ASMTL: variants seen among roughly 807,000 people sequenced by gnomAD.
ASMTL encodes the protein probable bifunctional dTTP/UTP pyrophosphatase/methyltransferase protein.
Under a neutral mutation model 60.3 loss-of-function variants are expected in ASMTL, and 57 were observed. That is an observed-to-expected ratio of 0.95 (90% CI 0.76 to 1.18). The LOEUF (loss-of-function observed/expected upper bound fraction) is 1.18, where lower values mean the gene tolerates loss of function less well. Ranked by LOEUF, ASMTL falls within the 50% of genes most tolerant of loss-of-function variation. The pLI is 0.00. For missense variants in ASMTL, 981 were observed against 852.6 expected (o/e 1.15, Z -1.88); for synonymous variants, 419 against 373.0 (o/e 1.12, Z -1.42).
At chrX:1,438,495 C>T (rs2091030805) in intron 3 of ASMTL, among the ~76,000 whole-genome samples, 2 of 152,118 alleles carry the variant, frequency 1.3e-5, no homozygotes, top group African/African-American at 4.8e-5. Context: ...TTTGTGGTTG[C>T]TGGCCTCTAG....
At chrX:1,433,458 G>A (rs1353908419) in intron 5 of ASMTL, among the ~76,000 whole-genome samples, 3 of 138,766 alleles carry the variant, frequency 2.2e-5, no homozygotes, top group Non-Finnish European at 4.6e-5. Flanking sequence ...AAGGTCAGGA[G>A]ATCGAGACCC....
At chrX:1,439,270 C>A in intron 2 of ASMTL, 126 bp from the exon 3 acceptor site, 3 of 908,820 alleles carry the variant, frequency 3.3e-6, no homozygotes, top group Non-Finnish European at 5.2e-6. Flanking sequence ...GAAGTGAAGG[C>A]TGGGGGTGCT....
At chrX:1,453,347 G>A (rs1338357959), upstream of ASMTL, among the ~76,000 whole-genome samples, 5 of 55,364 alleles carry the variant, frequency 9.0e-5, no homozygotes, top group Non-Finnish European at 2.1e-4. Context: ...ACCCCCGCCC[G>A]CCTCCCCCCC....
At chrX:1,422,447 C>A (rs73619068) in intron 8 of ASMTL, among the ~76,000 whole-genome samples, 101,440 of 151,618 alleles carry the variant, frequency 0.67, 34,930 homozygotes, top group South Asian at 0.87. Context: ...CAAGATAAAT[C>A]TCCTAGGTTA....
chrX:1,413,923 T>G (rs1211395395), intron 11 of ASMTL: 2 of 144,526 alleles, frequency 1.4e-5, no homozygotes, highest in African/African-American at 5.1e-5. Flanking sequence ...CAAACACAAC[T>G]GCAATGGGTT....
intron 11 of ASMTL, among the ~76,000 whole-genome samples, chrX:1,414,480 G>T (rs1208974707): frequency 6.6e-6 from 1 of 152,266 alleles, no homozygotes; most frequent in African/African-American, 2.4e-5. Context: ...GGCCAAGACG[G>T]GTGGATGACC....
At chrX:1,447,504 C>T (rs1418356878) in intron 1 of ASMTL, among the ~76,000 whole-genome samples, 17 of 151,288 alleles carry the variant, frequency 1.1e-4, no homozygotes, top group East Asian at 1.9e-4. Context: ...GGACACACAC[C>T]GCCATCTGGG....
In ASMTL at chrX:1,403,473, CA is replaced by C. The variant is rs1425943127; in HGVS notation, c.1661del (p.Leu554ArgfsTer17). 1 of 1,613,014 alleles carries C rather than the reference CA, an allele frequency of 6.2e-7. No homozygotes were observed. On this transcript the variant is annotated frameshift_variant, in exon 13 of 13. Coordinates refer to ENST00000381317, the MANE Select transcript of ASMTL (RefSeq NM_004192.4). LOFTEE classifies it low-confidence loss of function (END_TRUNC). ...TCTCCTCATCCAGGAGCGTCTCCAC[CA>C]GCAGCAGGCCGGCCCCTGAGGGAGA... ...ESCKPGAGLL[L>X]VETLLDEEKR...
In ASMTL at chrX:1,433,550, C is replaced by T. The variant is rs751136051; in HGVS notation, c.401-1173G>A. On this transcript the variant is annotated intron_variant, in intron 5 of 12. Transcript: ENST00000381317. ...AGAAAAAATTAGCCGGGCGTGGTGG[C>T]GGGCCCGTCGTCCCAGCTACTCGGG... Among the ~76,000 whole-genome samples, 26 of 146,562 alleles carry T rather than the reference C, an allele frequency of 1.8e-4. No homozygotes were observed. In the South Asian group the frequency reaches 4.6e-3, roughly 26 times the overall value.
At chrX:1,420,729 CAAGT>C (rs1219677000) in intron 9 of ASMTL, among the ~76,000 whole-genome samples, 1 of 152,224 alleles carries the variant, frequency 6.6e-6, no homozygotes, top group Non-Finnish European at 1.5e-5. Flanking sequence ...CTCAGATAAG[CAAGT>C]GTCAGTTCCA....
At chrX:1,439,246 C>A in intron 2 of ASMTL, 102 bp from the exon 3 acceptor site, 1 of 1,243,504 alleles carries the variant, frequency 8.0e-7, no homozygotes, top group Non-Finnish European at 1.2e-6. Context: ...AGGGGCGAAG[C>A]CAGGCCGACT....
intron 12 of ASMTL, among the ~76,000 whole-genome samples, chrX:1,404,543 AATGG>A (rs2089731264): frequency 7.2e-6 from 1 of 139,452 alleles, no homozygotes; most frequent in African/African-American, 2.7e-5. Flanking sequence ...TAGGTAGATG[AATGG>A]ATGGATAGAT....
intron 8 of ASMTL, among the ~76,000 whole-genome samples, chrX:1,424,291 A>G (rs1341337038): frequency 5.0e-4 from 55 of 109,630 alleles, no homozygotes; most frequent in African/African-American, 1.8e-3. Flanking sequence ...CACCCATCCA[A>G]CCACCCACCT....
At position 1,442,249 on chromosome X, in the gene ASMTL, C is replaced by T. The variant is rs368867544; in HGVS notation, c.162G>A (p.Pro54=). 2.7e-5 allele frequency: 43 copies of T among 1,613,858 alleles called. No individual in the cohort carries two copies. Among genetic ancestry groups the T allele is most frequent in the South Asian group, 9.9e-5 (9 of 91,068 alleles). The change falls in exon 2 of 13, where the codon CCG becomes CCA. Residue 54 remains proline (P), a synonymous_variant. Coordinates refer to ENST00000381317, the MANE Select transcript of ASMTL (RefSeq NM_004192.4). ...TGGCGGTCTCCATGGCGTACCCATA[C>T]GGAGTAGCGAAGGAGGCTTTGTCCA... ...EKLDKASFAT[P]YGYAMETAKQ...
chrX:1,417,121 A>G (rs1425113801), intron 11 of ASMTL, among the ~76,000 whole-genome samples: 1 of 151,880 alleles, frequency 6.6e-6, no homozygotes, highest in African/African-American at 2.4e-5. Context: ...ACCCAGACAC[A>G]TGCACACAGA....
At chrX:1,439,232 C>A in intron 2 of ASMTL, 88 bp from the exon 3 acceptor site, 1 of 1,419,488 alleles carries the variant, frequency 7.0e-7, no homozygotes, top group Non-Finnish European at 9.9e-7. Context: ...TGAAAGAGCA[C>A]CGCAGGGGCG....
intron 1 of ASMTL, among the ~76,000 whole-genome samples, chrX:1,448,021 T>C (rs759523346): frequency 2.7e-4 from 39 of 147,130 alleles, no homozygotes; most frequent in Non-Finnish European, 4.5e-4. Context: ...ACACACACCA[T>C]CTTGGACACA....
At chrX:1,415,934 A>T (rs1338981934) in intron 11 of ASMTL, among the ~76,000 whole-genome samples, 1 of 152,130 alleles carries the variant, frequency 6.6e-6, no homozygotes, top group Admixed American at 6.5e-5. Flanking sequence ...GCCACAAGAC[A>T]TGCACACACG....
At chrX:1,403,513 G>A in intron 12 of ASMTL, 24 bp from the exon 13 acceptor site, 1 of 1,608,004 alleles carries the variant, frequency 6.2e-7, no homozygotes, top group Non-Finnish European at 8.5e-7. Context: ...CAGAGAGCTG[G>A]AGTCCTGGCC....
Sources: gnomAD v4.1 joint callset for allele counts (sites outside exome capture counted in the v4.1 genomes callset) on GRCh38, gnomAD v4.1.1 for gene constraint, MANE v1.5 for transcripts, NCBI Gene and HGNC (gene_info 2026-07-23, HGNC 2026-07-21) for gene names.